The following ASIC2 variants were observed in gnomAD, a reference collection of about 807,000 sequenced individuals.
ASIC2 encodes the protein acid sensing ion channel subunit 2.
In ASIC2, 25 loss-of-function variants were observed where a neutral mutation model predicts 57.3. The observed-to-expected ratio is 0.44, with a 90% CI of 0.32 to 0.61. ASIC2 has a LOEUF of 0.61. ASIC2 is among the 20% of genes least tolerant of loss of function. ASIC2 has a pLI of 0.06. For missense variants in ASIC2, 641 were observed against 738.1 expected, an observed-to-expected ratio of 0.87 and a Z score of 1.52; for synonymous variants, 319 against 307.5, an observed-to-expected ratio of 1.04 and a Z score of -0.39.
chr17:33,828,423 G>T (rs372688073), intron 1 of ASIC2: 1 of 152,324 alleles, frequency 6.6e-6, no homozygotes, highest in Non-Finnish European at 1.5e-5. Context: ...TTGTGAGAAG[G>T]TATCATCTTT....
At chr17:33,102,945 G>A (rs745533482) in intron 2 of ASIC2, among the ~76,000 whole-genome samples, 4 of 151,938 alleles carry the variant, frequency 2.6e-5, no homozygotes, top group East Asian at 3.9e-4. Context: ...CACCACGCCC[G>A]GCTAATTTTT....
chr17:33,354,623 C>G (rs1025523204), intron 1 of ASIC2, among the ~76,000 whole-genome samples: 2 of 152,014 alleles, frequency 1.3e-5, no homozygotes, highest in African/African-American at 4.8e-5. Context: ...CCCACTCCAG[C>G]CTGGGCCCAG....
At chr17:33,404,598 G>T (rs180919996) in intron 1 of ASIC2, among the ~76,000 whole-genome samples, 112 of 152,288 alleles carry the variant, frequency 7.4e-4, no homozygotes, top group African/African-American at 2.4e-3. Context: ...GTTTTGACCT[G>T]ACAGCTCATC....
In ASIC2 at chr17:33,951,772, T is replaced by TTG. The variant is rs1555574305; in HGVS notation, c.555+204205_555+204206insCA. Among the ~76,000 whole-genome samples, 85 of 150,952 alleles carry TTG rather than the reference T, an allele frequency of 5.6e-4. 2 individuals are homozygous for TTG. The South Asian group carries it at 8.6e-3, about 15-fold the overall frequency. On this transcript the variant is annotated intron_variant, in intron 1 of 9. Coordinates refer to the ASIC2 transcript ENST00000359872. Reference sequence around the variant, plus strand: ...TAATTTTTGTATTTTTTTTTTTTTTTTAGTGGAGACAGGGTTTCATCATGT... The same window carrying TTG: ...TAATTTTTGTATTTTTTTTTTTTTTTTGTAGTGGAGACAGGGTTTCATCATGT...
At chr17:33,343,526 A>G (rs1369085041) in intron 1 of ASIC2, among the ~76,000 whole-genome samples, 1 of 152,138 alleles carries the variant, frequency 6.6e-6, no homozygotes, top group Non-Finnish European at 1.5e-5. Context: ...AGCCAGACTA[A>G]AAGCTCCCCT....
At chr17:33,156,768 A>G (rs1206018447) in intron 1 of ASIC2, among the ~76,000 whole-genome samples, 1 of 151,970 alleles carries the variant, frequency 6.6e-6, no homozygotes, top group Non-Finnish European at 1.5e-5. Context: ...AAAAAACAAA[A>G]ACAAACAAAC....
intron 1 of ASIC2, among the ~76,000 whole-genome samples, chr17:33,878,951 T>C (rs1375385144): frequency 6.6e-6 from 1 of 152,194 alleles, no homozygotes; most frequent in Non-Finnish European, 1.5e-5. Context: ...GGGGCCAATA[T>C]TCAACATTCT....
intron 1 of ASIC2, among the ~76,000 whole-genome samples, chr17:33,888,217 C>T (rs930819601): frequency 1.3e-5 from 2 of 152,014 alleles, no homozygotes; most frequent in Admixed American, 6.6e-5. Flanking sequence ...ACCACCTAAC[C>T]CAGCTTATTG....
chr17:34,007,219 G>A (rs1271386704), intron 1 of ASIC2, among the ~76,000 whole-genome samples: 1 of 152,204 alleles, frequency 6.6e-6, no homozygotes, highest in Non-Finnish European at 1.5e-5. Context: ...TAAGTCTGGA[G>A]TTCATTCCCC....
At chr17:33,206,066 C>G (rs1177517685) in intron 1 of ASIC2, among the ~76,000 whole-genome samples, 1 of 152,128 alleles carries the variant, frequency 6.6e-6, no homozygotes, top group Non-Finnish European at 1.5e-5. Flanking sequence ...ATGAAACTCA[C>G]CAGAGTCATA....
At chr17:33,126,216 G>A (rs997481299) in intron 1 of ASIC2, among the ~76,000 whole-genome samples, 33 of 152,218 alleles carry the variant, frequency 2.2e-4, no homozygotes, top group African/African-American at 8.0e-4. Flanking sequence ...GAGAGAAAGA[G>A]CACAGGCTTT....
intron 1 of ASIC2, among the ~76,000 whole-genome samples, chr17:33,610,496 C>T (rs1282881865): frequency 3.3e-5 from 5 of 152,082 alleles, no homozygotes; most frequent in Non-Finnish European, 5.9e-5. Flanking sequence ...AACCTGGGCT[C>T]CTTTCCCTAA....
intron 1 of ASIC2, among the ~76,000 whole-genome samples, chr17:33,659,536 C>G (rs1446672484): frequency 1.3e-5 from 2 of 152,068 alleles, no homozygotes; most frequent in African/African-American, 4.8e-5. Flanking sequence ...TGTATCTGAA[C>G]AAAGAAAAGA....
At chr17:34,025,779 G>T (rs576771349) in intron 1 of ASIC2, among the ~76,000 whole-genome samples, 1 of 152,206 alleles carries the variant, frequency 6.6e-6, no homozygotes, top group Non-Finnish European at 1.5e-5. Context: ...CAACAAAAGA[G>T]GGATAAAATA....
intron 1 of ASIC2, among the ~76,000 whole-genome samples, chr17:33,414,549 A>G (rs1910772943): frequency 6.6e-6 from 1 of 151,944 alleles, no homozygotes; most frequent in Non-Finnish European, 1.5e-5. Context: ...ACCTCTCTGG[A>G]GGGGGTCAAG....
At chr17:33,513,772 C>T (rs774018702) in intron 1 of ASIC2, among the ~76,000 whole-genome samples, 2 of 152,218 alleles carry the variant, frequency 1.3e-5, no homozygotes, top group Non-Finnish European at 2.9e-5. Context: ...ACACTTGGCT[C>T]CTGTCCTTGC....
intron 1 of ASIC2, among the ~76,000 whole-genome samples, chr17:34,022,695 T>C (rs1907223967): frequency 1.3e-5 from 2 of 151,772 alleles, no homozygotes; most frequent in Non-Finnish European, 2.9e-5. Context: ...AAAGCAATTG[T>C]GATTTTTACT....
chr17:33,577,057 T>A (rs1916647108), intron 1 of ASIC2, among the ~76,000 whole-genome samples: 2 of 152,224 alleles, frequency 1.3e-5, no homozygotes, highest in South Asian at 4.1e-4. Context: ...TCTTCATTCA[T>A]CTTTTCTCCT....
chr17:33,120,939 C>A (rs1327309958), intron 1 of ASIC2, among the ~76,000 whole-genome samples: 1 of 152,186 alleles, frequency 6.6e-6, no homozygotes, highest in African/African-American at 2.4e-5. Flanking sequence ...AATCCTGGCT[C>A]TGCCACTGAT....
Sources: allele counts gnomAD v4.1 joint callset (sites outside exome capture counted in the v4.1 genomes callset), GRCh38; gene constraint gnomAD v4.1.1; transcripts MANE v1.5; gene names NCBI Gene and HGNC (gene_info 2026-07-23, HGNC 2026-07-21).